Variants in SRCAP observed in about 807,000 individuals in gnomAD.
SRCAP encodes the protein chromatin remodeling protein SRCAP.
Under a neutral mutation model 263.1 loss-of-function variants are expected in SRCAP, and 46 were observed. That is an observed-to-expected ratio of 0.17 (90% confidence interval 0.14 to 0.22). The LOEUF (loss-of-function observed/expected upper bound fraction) is 0.22, where lower values mean the gene tolerates loss of function less well. Ranked by LOEUF, SRCAP falls within the 10% of genes least tolerant of loss-of-function variation. The probability of loss-of-function intolerance (pLI) is 1.00; values close to 1 mark genes in which losing one functional copy is unlikely to be tolerated. For missense variants in SRCAP, 3,695 were observed against 4,181.9 expected (o/e 0.88, Z 3.21); for synonymous variants, 1,813 against 1,662.1 (o/e 1.09, Z -2.21).
chr16:30,711,815 G>T lies in SRCAP; in HGVS notation c.1493-20G>T, dbSNP rs758018070. 20 of 1,612,710 alleles carry T rather than the reference G, an allele frequency of 1.2e-5. No homozygotes were observed. Among genetic ancestry groups the T allele is most frequent in the Admixed American group, 1.7e-5 (1 of 59,980 alleles). On this transcript the variant is annotated intron_variant, in intron 11 of 33. Coordinates refer to ENST00000262518, the MANE Select transcript of SRCAP (RefSeq NM_006662.3). ...GAAGAGCAGGTATGATGAGCAGTAA[G>T]CCTTGGTCTTACCCTTTAGACTCTG...
chr16:30,719,185 G>A (rs1269141672), intron 18 of SRCAP, among the ~76,000 whole-genome samples: 2 of 148,960 alleles, frequency 1.3e-5, no homozygotes, highest in African/African-American at 5.0e-5. Flanking sequence ...CATAAGCCAT[G>A]GTGCCCCGCC....
Position 30,712,008 on chromosome 16 carries a change from G to A in SRCAP, c.1666G>A (p.Ala556Thr). 1 of 1,614,058 alleles carries A rather than the reference G, an allele frequency of 6.2e-7. No individual in the cohort carries two copies. Among genetic ancestry groups the A allele is most frequent in the South Asian group, 1.1e-5 (1 of 91,070 alleles). The change falls in exon 12 of 34, where the codon GCC becomes ACC. Residue 556 changes from alanine to threonine, a missense_variant. Transcript: ENST00000262518. ...TGATTTTGGGGTGGAGTACTTGCTTGCCAGGGATGAAGAGCAGAGTGAGGC... is the reference window on the plus strand; with the variant it reads ...TGATTTTGGGGTGGAGTACTTGCTTACCAGGGATGAAGAGCAGAGTGAGGC... ...DDDFGVEYLL[A>T]RDEEQSEADA... is the part of the protein sequence containing the mutation.
At position 30,710,144 on chromosome 16, in the gene SRCAP, G is replaced by A. The variant is rs757478671; in HGVS notation, c.1134+16G>A. The stretch of plus-strand genomic sequence containing the variant: ...GGTGTTGGAGGTATAGGCAGAAGGA[G>A]CAGAGGGAGGGTTCAGAGGGGGAAC... On this transcript the variant is annotated intron_variant, in intron 8 of 33. Transcript: ENST00000262518. 9.3e-6 allele frequency: 15 copies of A among 1,608,556 alleles called. No homozygotes were observed. The highest frequency in any genetic ancestry group is 1.3e-5 in the Non-Finnish European group (15 of 1,176,352).
chr16:30,704,401 C>CT, intron 4 of SRCAP, 86 bp downstream of exon 4: 1 of 1,487,008 alleles, frequency 6.7e-7, no homozygotes, highest in Non-Finnish European at 9.0e-7. Flanking sequence ...TGTTTCTTTT[C>CT]TTTTTTGTCA....
rs2052801847 is a variant in SRCAP, at chr16:30,704,262, A to G, written c.253A>G (p.Lys85Glu). ...SLSQAADLAN[K>E]GPKWEKSHAE... ...ATCCCAGGCTGCTGACCTGGCTAAC[A>G]AGGGCCCGAAGTGGGAGAAGAGCCA... The change falls in exon 4 of 34, where the codon AAG becomes GAG. Residue 85 changes from lysine to glutamate, a missense_variant. Lys to Glu is a moderately conservative substitution (Grantham distance 56). Around this residue, in one of 12 missense-constraint regions of SRCAP, gnomAD observed 122 missense variants for 116.9 expected, o/e 1.04. Coordinates refer to ENST00000262518, the MANE Select transcript of SRCAP (RefSeq NM_006662.3). 1 of 1,613,800 alleles carries G rather than the reference A, an allele frequency of 6.2e-7. No individual in the cohort carries two copies. The highest frequency in any genetic ancestry group is 8.5e-7 in the Non-Finnish European group (1 of 1,179,718).
chr16:30,734,364 G>T (rs763637867), intron 30 of SRCAP, 132 bp from the exon 31 acceptor site: 16 of 1,353,022 alleles, frequency 1.2e-5, no homozygotes, highest in Non-Finnish European at 1.6e-5. Context: ...AAAAAGGACT[G>T]CTTTGGCCTT....
rs1041182499 is a variant in SRCAP at position 30,740,252 on chromosome 16, A to G, written c.*519A>G. The G allele has an allele frequency of 6.6e-6, 1 of 152,460 alleles. No individual in the cohort carries two copies. The highest frequency in any genetic ancestry group is 6.5e-5 in the Admixed American group (1 of 15,276). 9.4% of individuals were successfully genotyped at this position (152,460 alleles called of 1,614,324 possible). A position where few individuals can be genotyped will look rare whatever the true frequency, so the allele number is the denominator to read the frequency against. On this transcript the variant is annotated 3_prime_UTR_variant, in exon 34 of 34. Transcript: ENST00000262518. The stretch of plus-strand genomic sequence containing the variant: ...AGCACCTGATCTCTAGCCCAGGACT[A>G]TATGTTCCAGGCAGAAATCTACCCA...
chr16:30,712,044 A>G lies in SRCAP; in HGVS notation c.1702A>G (p.Ser568Gly). The G allele has an allele frequency of 6.2e-7, 1 of 1,614,082 alleles. No homozygotes were observed. The highest frequency in any genetic ancestry group is 8.5e-7 in the Non-Finnish European group (1 of 1,180,018). The change falls in exon 12 of 34, where the codon AGT becomes GGT. Residue 568 changes from serine (S) to glycine (G), a missense_variant. By Grantham distance (56) the Ser-to-Gly change is moderately conservative. Coordinates refer to ENST00000262518, the MANE Select transcript of SRCAP (RefSeq NM_006662.3). ...AGAGCAGAGTGAGGCAGATGCAGGC[A>G]GTGGGCCTCCTACTCCAGGGCCCAC... ...DEEQSEADAG[S>G]GPPTPGPTTL...
At position 30,737,440 on chromosome 16, in the gene SRCAP, C is replaced by A. The variant is rs1413372780; in HGVS notation, c.7400C>A (p.Pro2467His). 1.9e-6 allele frequency: 3 copies of A among 1,594,058 alleles called. No homozygotes were observed. Among genetic ancestry groups the A allele is most frequent in the Non-Finnish European group, 2.6e-6 (3 of 1,168,800 alleles). Reference sequence around the variant, plus strand: ...CCTGTCCCAGTTTCTGCCCCAGTACCCATTTCAGCCCCAAATCCAATAACC... The same window carrying A: ...CCTGTCCCAGTTTCTGCCCCAGTACACATTTCAGCCCCAAATCCAATAACC... ...LVPVPVSAPV[P>H]ISAPNPITIL... Residue 2467 changes from proline to histidine, a missense_variant, in exon 34 of 34, where the codon CCC becomes CAC. By Grantham distance (77) the Pro-to-His change is moderately conservative. Around this residue, in one of 12 missense-constraint regions of SRCAP, gnomAD observed 1,207 missense variants for 1,142.9 expected, o/e 1.06. Transcript: ENST00000262518.
chr16:30,707,197 G>A lies in SRCAP; in HGVS notation c.321G>A (p.Glu107=), dbSNP rs765322783. The change falls in exon 5 of 34, where the codon GAG becomes GAA. Residue 107 remains glutamate (E), a synonymous_variant. Transcript: ENST00000262518. ...TCCCTGATTAGGAGGCCGAGATCGAGACTCGGATTGCTGAGCTGCGGAAGG... is the reference window on the plus strand; with the variant it reads ...TCCCTGATTAGGAGGCCGAGATCGAAACTCGGATTGCTGAGCTGCGGAAGG... The part of the protein sequence containing the change: ...AEQAKHEAEI[E]TRIAELRKEG... The A allele has an allele frequency of 3.1e-6, 5 of 1,614,154 alleles. No homozygotes were observed.
rs756197613 is a variant in SRCAP, at chr16:30,723,994, C to T, written c.4570C>T (p.Pro1524Ser). 3.1e-6 allele frequency: 5 copies of T among 1,614,078 alleles called. No individual in the cohort carries two copies. In the East Asian group the frequency reaches 6.7e-5, roughly 22 times the overall value. Residue 1524 changes from proline to serine, a missense_variant, in exon 25 of 34, where the codon CCT becomes TCT. By Grantham distance (74) the Pro-to-Ser change is moderately conservative. Coordinates refer to ENST00000262518, the MANE Select transcript of SRCAP (RefSeq NM_006662.3). ...GTCTTCATCTCAGACACCTGGTCAC[C>T]CTCTGTTGTTGGCTCCCACCTCTTC... ...SLSSSQTPGH[P>S]LLLAPTSSHV...
chr16:30,736,964 G>A lies in SRCAP; in HGVS notation c.7009-85G>A, dbSNP rs1159697322. On this transcript the variant is annotated intron_variant, in intron 33 of 33. Transcript: ENST00000262518. ...GCTGGAATTACAGGCGTGAGCCACC[G>A]CGCCTGACCTGGAAGCTGCTAATTT... is the stretch of plus-strand genomic sequence containing the variant. The A allele has an allele frequency of 8.4e-6, 12 of 1,429,718 alleles. No homozygotes were observed. The Admixed American group carries it at 9.0e-5, about 11-fold the overall frequency. 88.6% of individuals were successfully genotyped at this position (1,429,718 alleles called of 1,614,324 possible). A position where few individuals can be genotyped will look rare whatever the true frequency, so the allele number is the denominator to read the frequency against.
In SRCAP at chr16:30,716,191, G is replaced by A; in HGVS notation, c.2619G>A (p.Met873Ile). ...AACGCTGTCTCTATGATGACTTCATGGCACAGACCACGTAAGGGAGGAAGG... is the reference window on the plus strand; with the variant it reads ...AACGCTGTCTCTATGATGACTTCATAGCACAGACCACGTAAGGGAGGAAGG... ...KRQRCLYDDF[M>I]AQTTTKETLA... Residue 873 changes from methionine (M) to isoleucine (I), a missense_variant, in exon 17 of 34, where the codon ATG (methionine) becomes ATA (isoleucine). Physicochemically the swap from Met to Ile is conservative, Grantham distance 10 (BLOSUM62 1). Transcript: ENST00000262518. 1 of 1,614,162 alleles carries A rather than the reference G, an allele frequency of 6.2e-7. No homozygotes were observed. Among genetic ancestry groups the A allele is most frequent in the Non-Finnish European group, 8.5e-7 (1 of 1,180,032 alleles).
At position 30,711,601 on chromosome 16, in the gene SRCAP, A is replaced by T. The variant is rs1319893455; in HGVS notation, c.1349A>T (p.Gln450Leu). Reference sequence around the variant, plus strand: ...CTTTCCATGGAGGAGCTATTGCAGCAGTATGCAGGAGCCTATGCCCCAGGC... The same window carrying T: ...CTTTCCATGGAGGAGCTATTGCAGCTGTATGCAGGAGCCTATGCCCCAGGC... Reference protein sequence around the residue: ...GELSMEELLQQYAGAYAPGSG... With the variant: ...GELSMEELLQLYAGAYAPGSG... The change falls in exon 11 of 34, where the codon CAG becomes CTG. Residue 450 changes from glutamine (Q) to leucine (L), a missense_variant. Physicochemically the swap from Gln to Leu is moderately radical, Grantham distance 113. This residue lies in a region of SRCAP where 288 missense variants were observed against 302.4 expected (regional missense o/e 0.95). Coordinates refer to ENST00000262518, the MANE Select transcript of SRCAP (RefSeq NM_006662.3). The T allele has an allele frequency of 6.2e-7, 1 of 1,603,438 alleles. No individual in the cohort carries two copies. The highest frequency in any genetic ancestry group is 1.4e-5 in the African/African-American group (1 of 73,996).
intron 27 of SRCAP, among the ~76,000 whole-genome samples, chr16:30,730,966 C>A (rs2053109545): frequency 6.6e-6 from 1 of 152,136 alleles, no homozygotes; most frequent in South Asian, 2.1e-4. Flanking sequence ...TTGCACCCAG[C>A]CTTAAGGGAC....
chr16:30,725,190 A>C (rs573808889), intron 25 of SRCAP, 108 bp downstream of exon 25: 2 of 1,492,224 alleles, frequency 1.3e-6, no homozygotes, highest in African/African-American at 2.8e-5. Context: ...TACAAAGCTT[A>C]ATGTTATGGA....
intron 31 of SRCAP, among the ~76,000 whole-genome samples, chr16:30,735,307 C>T (rs1370995952): frequency 6.6e-5 from 10 of 150,812 alleles, no homozygotes; most frequent in East Asian, 3.9e-4. Flanking sequence ...CCACTACGCC[C>T]GGCTAATTTT....
chr16:30,721,237 C>G lies in SRCAP; in HGVS notation c.3302C>G (p.Thr1101Arg). ...GVLSGTSRPP[T>R]PTLSLKPTPP... ...CTGAGTGGGACCTCACGGCCTCCCA[C>G]GCCAACCTTGTCCCTAAAGCCAACA... Residue 1101 changes from threonine to arginine, a missense_variant, in exon 21 of 34, where the codon ACG (threonine) becomes AGG (arginine). By Grantham distance (71) the Thr-to-Arg change is moderately conservative (BLOSUM62 -1). Coordinates refer to ENST00000262518, the MANE Select transcript of SRCAP (RefSeq NM_006662.3). 1 of 1,613,896 alleles carries G rather than the reference C, an allele frequency of 6.2e-7. No homozygotes were observed. Among genetic ancestry groups the G allele is most frequent in the African/African-American group, 1.3e-5 (1 of 75,030 alleles).
chr16:30,705,854 G>A (rs561070274), intron 4 of SRCAP, among the ~76,000 whole-genome samples: 1 of 152,190 alleles, frequency 6.6e-6, no homozygotes, highest in African/African-American at 2.4e-5. Flanking sequence ...CTAAGCGCTC[G>A]CCACTATGCC....
Sources: allele counts gnomAD v4.1 joint callset (sites outside exome capture counted in the v4.1 genomes callset), GRCh38; gene constraint gnomAD v4.1.1; regional missense constraint gnomAD v4.1.1; transcripts MANE v1.5; gene names NCBI Gene and HGNC (gene_info 2026-07-23, HGNC 2026-07-21).